RGS7BP: variants seen among roughly 807,000 people sequenced by gnomAD.
RGS7BP encodes the protein regulator of G protein signaling 7 binding protein, also known as regulator of G protein signaling 7-binding protein.
RGS7BP carries 9 observed loss-of-function variants against 31.3 expected under a neutral mutation model. The observed-to-expected ratio is 0.29, with a 90% CI of 0.17 to 0.50. RGS7BP has a LOEUF of 0.50. RGS7BP is among the 20% of genes least tolerant of loss of function. The probability of loss-of-function intolerance (pLI) is 0.98; values close to 1 mark genes in which losing one functional copy is unlikely to be tolerated. For missense variants in RGS7BP, 274 were observed against 322.0 expected, an observed-to-expected ratio of 0.85 and a Z score of 1.14; for synonymous variants, 115 against 120.1, an observed-to-expected ratio of 0.96 and a Z score of 0.28.
intron 2 of RGS7BP, among the ~76,000 whole-genome samples, chr5:64,532,303 T>TA (rs1274753260): frequency 6.6e-6 from 1 of 151,908 alleles, no homozygotes; most frequent in Non-Finnish European, 1.5e-5. Context: ...ATATCCTTTT[T>TA]TTTTTTTTCC....
At chr5:64,602,452 A>C (rs1743243298) in intron 5 of RGS7BP, among the ~76,000 whole-genome samples, 1 of 152,122 alleles carries the variant, frequency 6.6e-6, no homozygotes, top group South Asian at 2.1e-4. Context: ...ATGTCTACTC[A>C]CTATCTACTG....
chr5:64,506,599 G>A lies in RGS7BP; in HGVS notation c.-26G>A, dbSNP rs1213071998. On this transcript the variant is annotated 5_prime_UTR_variant, in exon 1 of 6. Coordinates refer to ENST00000334025, the MANE Select transcript of RGS7BP (RefSeq NM_001029875.3). This position sits in a 1 kb window ranked among gnomAD's most constrained non-coding sequence, Gnocchi z 4.6. ...CCGCGCCGGGGCGCACTGCACCAGCGGCTTCGGCTTGGTGGATGTGTATGC... is the reference window on the plus strand; with the variant it reads ...CCGCGCCGGGGCGCACTGCACCAGCAGCTTCGGCTTGGTGGATGTGTATGC... The A allele has an allele frequency of 1.0e-5, 16 of 1,567,268 alleles. No individual in the cohort carries two copies. Among genetic ancestry groups the A allele is most frequent in the African/African-American group, 2.7e-5 (2 of 73,704 alleles).
At chr5:64,538,591 C>T (rs1741446564) in intron 2 of RGS7BP, among the ~76,000 whole-genome samples, 1 of 98,734 alleles carries the variant, frequency 1.0e-5, no homozygotes, top group Non-Finnish European at 1.8e-5. Context: ...GACTCCTGCT[C>T]TGTCACCCAG....
At chr5:64,608,726 G>C (rs911111182) in intron 5 of RGS7BP, among the ~76,000 whole-genome samples, 1 of 152,020 alleles carries the variant, frequency 6.6e-6, no homozygotes, top group Admixed American at 6.6e-5. Flanking sequence ...TCACAGAACT[G>C]GCAAATAGCA....
At chr5:64,576,845 T>A (rs1276661623) in intron 3 of RGS7BP, among the ~76,000 whole-genome samples, 1 of 152,206 alleles carries the variant, frequency 6.6e-6, no homozygotes, top group Non-Finnish European at 1.5e-5. Context: ...ATTAATTCAT[T>A]GAACAATAAT....
At chr5:64,578,220 T>A (rs1003946765) in intron 3 of RGS7BP, among the ~76,000 whole-genome samples, 3 of 152,244 alleles carry the variant, frequency 2.0e-5, no homozygotes, top group African/African-American at 4.8e-5. Context: ...CTCTGCTTCC[T>A]TCTCTGCCTA....
At chr5:64,584,062 C>T (rs1380067009) in intron 3 of RGS7BP, among the ~76,000 whole-genome samples, 1 of 152,202 alleles carries the variant, frequency 6.6e-6, no homozygotes, top group Non-Finnish European at 1.5e-5. Flanking sequence ...ATTTATCTCA[C>T]TACAAAGTTT....
intron 2 of RGS7BP, among the ~76,000 whole-genome samples, chr5:64,569,515 G>T (rs1042985987): frequency 1.3e-5 from 2 of 151,888 alleles, no homozygotes; most frequent in Admixed American, 6.6e-5. Context: ...TAGGTATCTG[G>T]CATCTGTTCT....
intron 2 of RGS7BP, among the ~76,000 whole-genome samples, chr5:64,509,762 T>C (rs1748783087): frequency 6.6e-6 from 1 of 152,190 alleles, no homozygotes; most frequent in Non-Finnish European, 1.5e-5. Context: ...TTGATGTTAA[T>C]GGGGGCAGTT....
At chr5:64,559,870 T>C (rs1210948153) in intron 2 of RGS7BP, among the ~76,000 whole-genome samples, 1 of 152,056 alleles carries the variant, frequency 6.6e-6, no homozygotes, top group East Asian at 1.9e-4. Flanking sequence ...TTTAAAAAAA[T>C]AACTTGTCCA....
At chr5:64,534,809 A>T (rs1749463741) in intron 2 of RGS7BP, among the ~76,000 whole-genome samples, 2 of 152,242 alleles carry the variant, frequency 1.3e-5, no homozygotes, top group African/African-American at 4.8e-5. Context: ...AGGCACTGGC[A>T]TAGAGGTGGT....
intron 2 of RGS7BP, among the ~76,000 whole-genome samples, chr5:64,549,574 A>C (rs942950753): frequency 9.9e-5 from 15 of 152,200 alleles, no homozygotes; most frequent in African/African-American, 3.6e-4. Flanking sequence ...AATATCACAC[A>C]TGGCTGAATA....
intron 2 of RGS7BP, among the ~76,000 whole-genome samples, chr5:64,541,356 T>A (rs1741522127): frequency 1.3e-5 from 2 of 152,158 alleles, no homozygotes; most frequent in South Asian, 4.1e-4. Context: ...TCCCACCAGA[T>A]CCCACCTCCA....
intron 4 of RGS7BP, among the ~76,000 whole-genome samples, chr5:64,597,727 G>A (rs55812788): frequency 0.14 from 21,763 of 151,576 alleles, 1,715 homozygotes; most frequent in Admixed American, 0.21. Context: ...GGTGTGGAAT[G>A]ATAGACATCA....
chr5:64,583,947 T>G (rs751603692), intron 3 of RGS7BP, among the ~76,000 whole-genome samples: 1 of 152,200 alleles, frequency 6.6e-6, no homozygotes, highest in Non-Finnish European at 1.5e-5. Flanking sequence ...ACTTGCCAGG[T>G]GCATTATACA....
intron 2 of RGS7BP, among the ~76,000 whole-genome samples, chr5:64,547,223 A>C (rs1378092624): frequency 6.6e-6 from 1 of 152,240 alleles, no homozygotes; most frequent in Non-Finnish European, 1.5e-5. Context: ...CTGATGGACA[A>C]AGATTTTCAG....
At chr5:64,574,665 A>G (rs1742375945) in intron 2 of RGS7BP, among the ~76,000 whole-genome samples, 1 of 152,210 alleles carries the variant, frequency 6.6e-6, no homozygotes, top group Admixed American at 6.5e-5. Context: ...CATCGACTAA[A>G]TAAGTATTGA....
chr5:64,523,422 T>C (rs532472151), intron 2 of RGS7BP, among the ~76,000 whole-genome samples: 3 of 152,354 alleles, frequency 2.0e-5, no homozygotes, highest in South Asian at 4.1e-4. Flanking sequence ...TGTTGGCCCA[T>C]AGAAAAATTT....
At chr5:64,557,946 C>G (rs1338826229) in intron 2 of RGS7BP, among the ~76,000 whole-genome samples, 1 of 152,112 alleles carries the variant, frequency 6.6e-6, no homozygotes, top group Non-Finnish European at 1.5e-5. Flanking sequence ...AAACAAGACA[C>G]TTTTAAAATT....
Sources: gnomAD v4.1 joint callset for allele counts (sites outside exome capture counted in the v4.1 genomes callset) on GRCh38, gnomAD v4.1.1 for gene constraint, Gnocchi (gnomAD v3.1) non-coding constraint, MANE v1.5 for transcripts, NCBI Gene and HGNC (gene_info 2026-07-23, HGNC 2026-07-21) for gene names.